The following ZNF804A variants were observed in gnomAD, a reference collection of about 807,000 sequenced individuals.
The protein encoded by ZNF804A is zinc finger protein 804A.
A neutral mutation model predicts 16.5 loss-of-function variants in ZNF804A; 2 were observed. The observed-to-expected ratio is 0.12, with a 90% CI of 0.05 to 0.38. The LOEUF (loss-of-function observed/expected upper bound fraction) is 0.38, where lower values mean the gene tolerates loss of function less well. Ranked by LOEUF, ZNF804A falls within the 10% of genes least tolerant of loss-of-function variation. ZNF804A has a pLI of 0.99. For missense variants in ZNF804A, 1,473 were observed against 1,390.7 expected, an observed-to-expected ratio of 1.06 and a Z score of -0.94; for synonymous variants, 534 against 489.6, an observed-to-expected ratio of 1.09 and a Z score of -1.20.
chr2:184,743,476 T>A (rs764702967), intron 1 of ZNF804A, among the ~76,000 whole-genome samples: 25 of 152,012 alleles, frequency 1.6e-4, no homozygotes, highest in Non-Finnish European at 3.2e-4. Flanking sequence ...TACTCATGTA[T>A]ATCTATTATT....
chr2:184,881,396 A>G (rs1259399285), intron 2 of ZNF804A, among the ~76,000 whole-genome samples: 1 of 151,942 alleles, frequency 6.6e-6, no homozygotes, highest in Non-Finnish European at 1.5e-5. Context: ...ATTTGAATCA[A>G]CATTCAAATT....
intron 2 of ZNF804A, among the ~76,000 whole-genome samples, chr2:184,923,434 A>G (rs1483137097): frequency 6.6e-6 from 1 of 151,994 alleles, no homozygotes; most frequent in Non-Finnish European, 1.5e-5. Context: ...CATCAGCTCT[A>G]AAAGCTTTTT....
intron 1 of ZNF804A, among the ~76,000 whole-genome samples, chr2:184,630,175 G>A (rs973032787): frequency 6.6e-6 from 1 of 152,026 alleles, no homozygotes; most frequent in African/African-American, 2.4e-5. Context: ...TAAGTGAATG[G>A]CTTGTTACAT....
rs763964874 is a variant in ZNF804A at position 184,937,584 on chromosome 2, T to A, written c.2188T>A (p.Ser730Thr). Residue 730 changes from serine to threonine, a missense_variant, in exon 4 of 4, where the codon TCA (serine) becomes ACA (threonine). By Grantham distance (58) the Ser-to-Thr change is moderately conservative. Coordinates refer to ENST00000302277, the MANE Select transcript of ZNF804A (RefSeq NM_194250.2). ...RTYCCWKTKM[S>T]SCSQDHRSLV... ...TTACTGTTGTTGGAAAACCAAAATG[T>A]CAAGCTGTAGTCAGGATCACAGAAG... 1 of 1,612,686 alleles carries A rather than the reference T, an allele frequency of 6.2e-7. No homozygotes were observed. The highest frequency in any genetic ancestry group is 1.7e-5 in the Admixed American group (1 of 59,490).
intron 1 of ZNF804A, among the ~76,000 whole-genome samples, chr2:184,787,739 T>C (rs960114505): frequency 3.3e-5 from 5 of 151,838 alleles, no homozygotes; most frequent in African/African-American, 1.2e-4. Flanking sequence ...TTCCTTGTAG[T>C]TTTTGTATAT....
At chr2:184,692,196 T>C (rs186542659) in intron 1 of ZNF804A, among the ~76,000 whole-genome samples, 1 of 152,324 alleles carries the variant, frequency 6.6e-6, no homozygotes, top group Admixed American at 6.5e-5. Flanking sequence ...TGTGTGTGTT[T>C]GTTTAAATGC....
intron 1 of ZNF804A, among the ~76,000 whole-genome samples, chr2:184,848,428 A>G (rs1695554484): frequency 6.6e-6 from 1 of 152,084 alleles, no homozygotes; most frequent in Non-Finnish European, 1.5e-5. Flanking sequence ...TTCTTCCTGA[A>G]TAAATTTTCT....
intron 2 of ZNF804A, among the ~76,000 whole-genome samples, chr2:184,899,858 T>C (rs116723628): frequency 3.8e-3 from 580 of 152,084 alleles, no homozygotes; most frequent in African/African-American, 0.014. Context: ...ATTTAGATTG[T>C]CGTTTTTCTA....
chr2:184,847,913 T>C (rs1443551030), intron 1 of ZNF804A, among the ~76,000 whole-genome samples: 1 of 152,092 alleles, frequency 6.6e-6, no homozygotes, highest in Non-Finnish European at 1.5e-5. Flanking sequence ...ATTGGAGAGA[T>C]GCACAGGGCA....
intron 1 of ZNF804A, among the ~76,000 whole-genome samples, chr2:184,640,119 A>G (rs1323109741): frequency 6.6e-6 from 1 of 152,106 alleles, no homozygotes; most frequent in African/African-American, 2.4e-5. Flanking sequence ...ATATATGTGT[A>G]AAAATACTGA....
At chr2:184,768,318 C>CT (rs1694161481) in intron 1 of ZNF804A, among the ~76,000 whole-genome samples, 1 of 151,926 alleles carries the variant, frequency 6.6e-6, no homozygotes, top group Non-Finnish European at 1.5e-5. Flanking sequence ...GTCCTGGAAC[C>CT]TTTCCTCTGA....
At chr2:184,881,558 GC>G (rs1684810530) in intron 2 of ZNF804A, among the ~76,000 whole-genome samples, 1 of 152,046 alleles carries the variant, frequency 6.6e-6, no homozygotes, top group Admixed American at 6.6e-5. Flanking sequence ...GCCCCATTAG[GC>G]TAATAGCAAA....
chr2:184,832,679 C>A (rs116351004), intron 1 of ZNF804A, among the ~76,000 whole-genome samples: 1 of 151,522 alleles, frequency 6.6e-6, no homozygotes, highest in Non-Finnish European at 1.5e-5. Flanking sequence ...TCTTTTTCAT[C>A]CCCCAAATAG....
At chr2:184,640,044 A>G (rs1301644690) in intron 1 of ZNF804A, among the ~76,000 whole-genome samples, 1 of 152,004 alleles carries the variant, frequency 6.6e-6, no homozygotes, top group Non-Finnish European at 1.5e-5. Flanking sequence ...ATAAAAAAAA[A>G]TAGAGATCAA....
At chr2:184,841,653 A>G (rs180926280) in intron 1 of ZNF804A, among the ~76,000 whole-genome samples, 7 of 152,328 alleles carry the variant, frequency 4.6e-5, no homozygotes, top group Admixed American at 3.9e-4. Flanking sequence ...ATACATTTAA[A>G]TTAAAAGATG....
In ZNF804A at chr2:184,776,923, A is replaced by G. The variant is rs114215524; in HGVS notation, c.112-89446A>G. ...GTTGAAGTGTGGGACTCATTACTTT[A>G]TCTTTTTAAAAATTATATGTTAGCA... On this transcript the variant is annotated intron_variant, in intron 1 of 3. Coordinates refer to ENST00000302277, the MANE Select transcript of ZNF804A (RefSeq NM_194250.2). Among the ~76,000 whole-genome samples, 603 of 151,618 alleles carry G rather than the reference A, an allele frequency of 4.0e-3. 12 individuals carry two copies. The highest frequency in any genetic ancestry group is 0.013 in the African/African-American group (547 of 41,446).
In ZNF804A at chr2:184,939,074, A is replaced by G. The variant is rs1226152877; in HGVS notation, c.*48A>G. 2 of 1,584,538 alleles carry G rather than the reference A, an allele frequency of 1.3e-6. No individual in the cohort carries two copies. The highest frequency in any genetic ancestry group is 8.6e-7 in the Non-Finnish European group (1 of 1,163,154). ...ATACTCTTGTGAAAACTATTGCTATATGCGTTAAGTGTTCATCTATGTGGG... is the reference window on the plus strand; with the variant it reads ...ATACTCTTGTGAAAACTATTGCTATGTGCGTTAAGTGTTCATCTATGTGGG... On this transcript the variant is annotated 3_prime_UTR_variant, in exon 4 of 4. Transcript: ENST00000302277.
chr2:184,601,072 A>G (rs760636034), intron 1 of ZNF804A, among the ~76,000 whole-genome samples: 8 of 152,122 alleles, frequency 5.3e-5, no homozygotes, highest in Non-Finnish European at 1.2e-4. Flanking sequence ...ATGATTTTAA[A>G]ACGGCCCAAG....
chr2:184,732,998 C>T (rs551203795), intron 1 of ZNF804A, among the ~76,000 whole-genome samples: 2 of 152,070 alleles, frequency 1.3e-5, no homozygotes, highest in South Asian at 4.1e-4. Flanking sequence ...TTACATCTTC[C>T]TTCCAAATCA....
Sources: allele counts gnomAD v4.1 joint callset (sites outside exome capture counted in the v4.1 genomes callset), GRCh38; gene constraint gnomAD v4.1.1; transcripts MANE v1.5; gene names NCBI Gene and HGNC (gene_info 2026-07-23, HGNC 2026-07-21).